The following RBPJ variants were observed in gnomAD, a reference collection of about 807,000 sequenced individuals.
RBPJ encodes the protein recombining binding protein suppressor of hairless.
Under a neutral mutation model 67.8 loss-of-function variants are expected in RBPJ, and 9 were observed. That is an observed-to-expected ratio of 0.13 (90% CI 0.08 to 0.23). The LOEUF is 0.23. Ranked by LOEUF, RBPJ falls within the 10% of genes least tolerant of loss-of-function variation. The pLI, the probability that RBPJ is intolerant of heterozygous loss-of-function variation, is 1.00. For synonymous variants in RBPJ, 198 were observed against 203.3 expected (o/e 0.97, Z 0.22); for missense variants, 305 against 595.6 (o/e 0.51, Z 5.08).
chr4:26,206,543 G>A (rs1212184699), intron 1 of RBPJ, among the ~76,000 whole-genome samples: 4 of 152,166 alleles, frequency 2.6e-5, no homozygotes, highest in East Asian at 3.8e-4. Context: ...GACACATGGT[G>A]AGGAACTGAC....
At chr4:26,274,133 G>A (rs1033820102) in intron 1 of RBPJ, among the ~76,000 whole-genome samples, 3 of 152,054 alleles carry the variant, frequency 2.0e-5, no homozygotes, top group Non-Finnish European at 4.4e-5. Flanking sequence ...TTGTACATGT[G>A]TTATATTTTA....
chr4:26,141,479 C>A, the RBPJ span, among the ~76,000 whole-genome samples: 3 of 152,206 alleles, frequency 2.0e-5, no homozygotes, highest in South Asian at 6.2e-4. Flanking sequence ...ACACTTCCTA[C>A]CCCCAAGTTA....
chr4:26,316,758 T>C (rs948495237), upstream of RBPJ, among the ~76,000 whole-genome samples: 6 of 143,736 alleles, frequency 4.2e-5, no homozygotes, highest in African/African-American at 5.1e-5. Flanking sequence ...GTTTTTTTCC[T>C]GAAGTTCTAA....
the RBPJ span, among the ~76,000 whole-genome samples, chr4:26,136,088 A>G: frequency 3.3e-5 from 5 of 152,196 alleles, 1 homozygote; most frequent in Admixed American, 3.3e-4. Flanking sequence ...TTTTAAAGCC[A>G]TCAGATCCCG....
chr4:26,165,557 T>C (rs1258051563), intron 1 of RBPJ, among the ~76,000 whole-genome samples: 1 of 152,150 alleles, frequency 6.6e-6, no homozygotes, highest in African/African-American at 2.4e-5. Flanking sequence ...ATAATCTGAA[T>C]GAGGGAAGGG....
At chr4:26,376,696 G>T (rs182250138) in intron 1 of RBPJ, among the ~76,000 whole-genome samples, 19 of 152,232 alleles carry the variant, frequency 1.2e-4, no homozygotes, top group African/African-American at 4.1e-4. Flanking sequence ...GTATTTTGAG[G>T]AACCATACTG....
At chr4:26,350,235 A>G (rs1726657923) in intron 1 of RBPJ, among the ~76,000 whole-genome samples, 1 of 152,218 alleles carries the variant, frequency 6.6e-6, no homozygotes, top group South Asian at 2.1e-4. Context: ...TTGTACTACC[A>G]ACTTTATGGC....
chr4:26,189,303 T>C (rs967326734), intron 1 of RBPJ, among the ~76,000 whole-genome samples: 1 of 152,184 alleles, frequency 6.6e-6, no homozygotes, highest in Non-Finnish European at 1.5e-5. Flanking sequence ...GAAAACAAAC[T>C]ACATCTCTAT....
chr4:26,283,522 G>T (rs1384062499), intron 1 of RBPJ, among the ~76,000 whole-genome samples: 1 of 151,810 alleles, frequency 6.6e-6, no homozygotes, highest in Non-Finnish European at 1.5e-5. Context: ...TCCAGCCTGG[G>T]CTATAGAAGG....
intron 1 of RBPJ, among the ~76,000 whole-genome samples, chr4:26,337,680 TCC>T (rs1725005797): frequency 7.9e-6 from 1 of 126,384 alleles, no homozygotes; most frequent in Admixed American, 1.0e-4. Flanking sequence ...TAATTCTTTA[TCC>T]TTTTTTTTTT....
chr4:26,421,240 A>G (rs1431362026), intron 5 of RBPJ, among the ~76,000 whole-genome samples: 1 of 151,982 alleles, frequency 6.6e-6, no homozygotes, highest in East Asian at 1.9e-4. Flanking sequence ...CCAAACAAGT[A>G]TGTTTGAATT....
At chr4:26,326,542 A>G (rs1229915093) in intron 1 of RBPJ, among the ~76,000 whole-genome samples, 2 of 152,196 alleles carry the variant, frequency 1.3e-5, no homozygotes, top group Non-Finnish European at 2.9e-5. Context: ...AGAACCAAAT[A>G]ATAAGTTGAT....
At chr4:26,141,987 G>A in the RBPJ span, among the ~76,000 whole-genome samples, 3 of 152,200 alleles carry the variant, frequency 2.0e-5, no homozygotes, top group Non-Finnish European at 4.4e-5. Context: ...TTGTTGACTC[G>A]CAGCTTAAAC....
chr4:26,358,365 A>G (rs1174509840), intron 1 of RBPJ, among the ~76,000 whole-genome samples: 2 of 152,152 alleles, frequency 1.3e-5, no homozygotes, highest in South Asian at 2.1e-4. Flanking sequence ...GAAGTGTAAT[A>G]GGCACAAAAT....
chr4:26,229,674 T>TGAAGA, intron 1 of RBPJ, among the ~76,000 whole-genome samples: 1 of 152,220 alleles, frequency 6.6e-6, no homozygotes, highest in Non-Finnish European at 1.5e-5. Flanking sequence ...GTGTGTCATC[T>TGAAGA]AAGCTTCAAT....
intron 1 of RBPJ, among the ~76,000 whole-genome samples, chr4:26,343,739 C>CTTTTTTTTTTTTTTTTTTTTTTTTTT (rs71186404): frequency 1.8e-5 from 1 of 55,836 alleles, no homozygotes; most frequent in Non-Finnish European, 3.3e-5. Context: ...TTTCTTTCTT[C>CTTTTTTTTTTTTTTTTTTTTTTTTTT]TTTTTTTTTT....
chr4:26,358,894 T>C (rs1372944035), intron 1 of RBPJ, among the ~76,000 whole-genome samples: 1 of 152,238 alleles, frequency 6.6e-6, no homozygotes, highest in African/African-American at 2.4e-5. Flanking sequence ...TTGTTCTAAG[T>C]GCCTTACATG....
At chr4:26,214,896 G>A (rs1456872400) in intron 1 of RBPJ, among the ~76,000 whole-genome samples, 1 of 75,094 alleles carries the variant, frequency 1.3e-5, no homozygotes, top group Admixed American at 1.6e-4. Flanking sequence ...AGAGAAAAAA[G>A]AGAAAAAGAA....
intron 1 of RBPJ, among the ~76,000 whole-genome samples, chr4:26,165,680 C>T (rs1028222355): frequency 6.0e-5 from 8 of 134,070 alleles, no homozygotes; most frequent in African/African-American, 1.3e-4. Context: ...TTAAGGGGGT[C>T]CAGAAAAAAC....
Sources: allele counts gnomAD v4.1 joint callset (sites outside exome capture counted in the v4.1 genomes callset), GRCh38; gene constraint gnomAD v4.1.1; transcripts MANE v1.5; gene names NCBI Gene and HGNC (gene_info 2026-07-23, HGNC 2026-07-21).